Variants in MAML3 observed in about 807,000 individuals in gnomAD.
The protein encoded by MAML3 is mastermind like transcriptional coactivator 3.
Under a neutral mutation model 101.9 loss-of-function variants are expected in MAML3, and 27 were observed. The observed-to-expected ratio is 0.27, with a 90% CI of 0.20 to 0.37. MAML3 has a LOEUF of 0.37. MAML3 is among the 10% of genes least tolerant of loss of function. MAML3 has a pLI of 1.00. For synonymous variants in MAML3, 501 were observed against 555.9 expected (o/e 0.90, Z 1.39); for missense variants, 1,316 against 1,444.9 (o/e 0.91, Z 1.45).
rs1425891434 is a variant in MAML3 at position 139,735,458 on chromosome 4, G to A, written c.2080-4791C>T. The stretch of plus-strand genomic sequence containing the variant: ...GGGCTGGGAGTGGGGTAGGGGGGCA[G>A]TGGCGACCTCCGGGGGGGGAGGGTG... On this transcript the variant is annotated intron_variant, in intron 2 of 4. Coordinates refer to ENST00000509479, the MANE Select transcript of MAML3 (RefSeq NM_018717.5). This position sits in a 1 kb window ranked among gnomAD's most constrained non-coding sequence, Gnocchi z 5.8. 1.3e-5 allele frequency among the ~76,000 whole-genome samples: 2 copies of A among 151,310 alleles called. No individual in the cohort carries two copies. The highest frequency in any genetic ancestry group is 4.2e-4 in the South Asian group (2 of 4,770).
intron 1 of MAML3, among the ~76,000 whole-genome samples, chr4:139,911,739 T>C (rs1227477866): frequency 6.6e-6 from 1 of 152,220 alleles, no homozygotes; most frequent in African/African-American, 2.4e-5. Context: ...CCCCTCACTC[T>C]TTCCATCATG....
intron 1 of MAML3, among the ~76,000 whole-genome samples, chr4:139,978,635 GCA>G: frequency 6.9e-6 from 1 of 144,904 alleles, no homozygotes; most frequent in Non-Finnish European, 1.5e-5. Context: ...GAGAGAGAGA[GCA>G]CACAACTGCG....
intron 2 of MAML3, among the ~76,000 whole-genome samples, chr4:139,736,764 G>T (rs1728964103): frequency 6.6e-6 from 1 of 152,102 alleles, no homozygotes. Context: ...TAGAACTTTT[G>T]GGGGTGTTTT....
chr4:139,808,986 G>A (rs1393840568), intron 2 of MAML3, among the ~76,000 whole-genome samples: 5 of 152,136 alleles, frequency 3.3e-5, no homozygotes, highest in African/African-American at 1.2e-4. Flanking sequence ...AAGAATGTCG[G>A]TGTGTGACTC....
At position 140,153,462 on chromosome 4, in the gene MAML3, T is replaced by A; in HGVS notation, c.-135A>T. On this transcript the variant is annotated 5_prime_UTR_variant, in exon 1 of 5. Transcript: ENST00000509479. Reference sequence around the variant, plus strand: ...GCAAGCACATGGATGGAAACGGCGATCCCGACGGGGCGAAAAAAACGGGGG... The same window carrying A: ...GCAAGCACATGGATGGAAACGGCGAACCCGACGGGGCGAAAAAAACGGGGG... The A allele has an allele frequency of 1.9e-5, 12 of 644,242 alleles. No individual in the cohort carries two copies. Among genetic ancestry groups the A allele is most frequent in the Non-Finnish European group, 2.3e-5 (11 of 476,158 alleles). 39.9% of individuals were successfully genotyped at this position (644,242 alleles called of 1,614,324 possible).
chr4:139,863,832 GTTTTTTTT>G (rs58270046), intron 2 of MAML3, among the ~76,000 whole-genome samples: 17,419 of 111,434 alleles, frequency 0.16, 2,451 homozygotes, highest in African/African-American at 0.4. Context: ...CAGAACATGG[GTTTTTTTT>G]TTTTTTTTTT....
Position 139,944,605 on chromosome 4 carries a change from A to G in MAML3, c.469-53638T>C, listed in dbSNP as rs543172979. ...ATGAACTCAAACAAATTTACAAGAA[A>G]AAAACAAACAACCCCATCAAAAAGT... On this transcript the variant is annotated intron_variant, in intron 1 of 4. Coordinates refer to ENST00000509479, the MANE Select transcript of MAML3 (RefSeq NM_018717.5). Among the ~76,000 whole-genome samples, 4 of 152,116 alleles carry G rather than the reference A, an allele frequency of 2.6e-5. No homozygotes were observed. In the South Asian group the frequency reaches 6.2e-4, roughly 24 times the overall value.
intron 1 of MAML3, among the ~76,000 whole-genome samples, chr4:139,953,502 T>C (rs1733865411): frequency 6.6e-6 from 1 of 152,180 alleles, no homozygotes; most frequent in Admixed American, 6.5e-5. Context: ...GGCAGGTGCC[T>C]GTAATCCCAG....
rs141193740 is a variant in MAML3 at position 139,892,071 on chromosome 4, G to A, written c.469-1104C>T. 4.2e-3 allele frequency among the ~76,000 whole-genome samples: 636 copies of A among 152,190 alleles called. 10 individuals carry two copies. Among genetic ancestry groups the A allele is most frequent in the African/African-American group, 0.015 (606 of 41,532 alleles). ...TTCAACTATCTTCTCTAGGCTGACG[G>A]CCCCAAAAGATGCTCATCTTCCCAG... On this transcript the variant is annotated intron_variant, in intron 1 of 4. Transcript: ENST00000509479.
At chr4:140,100,217 A>C (rs998123966) in intron 1 of MAML3, among the ~76,000 whole-genome samples, 4 of 151,926 alleles carry the variant, frequency 2.6e-5, no homozygotes, top group African/African-American at 7.3e-5. Context: ...CCCCAGTGCC[A>C]CTTCCTCTCT....
chr4:139,821,512 C>A (rs1228659808), intron 2 of MAML3, among the ~76,000 whole-genome samples: 1 of 152,182 alleles, frequency 6.6e-6, no homozygotes, highest in African/African-American at 2.4e-5. Context: ...GAAAAATTGT[C>A]GTCTAGGAAA....
At chr4:140,088,421 T>C (rs1727993164) in intron 1 of MAML3, among the ~76,000 whole-genome samples, 1 of 152,076 alleles carries the variant, frequency 6.6e-6, no homozygotes. Flanking sequence ...TTTGAATGAT[T>C]CTCCTTCTTA....
rs183266877 is a variant in MAML3 at position 139,985,868 on chromosome 4, C to A, written c.469-94901G>T. Among the ~76,000 whole-genome samples the A allele has an allele frequency of 4.6e-5, 7 of 152,370 alleles. No individual in the cohort carries two copies. The East Asian group carries it at 1.2e-3, about 25-fold the overall frequency. ...AAGATCTCCAATGAGACCCTAATAG[C>A]AATTTCATTAAATAAATTTTGGAAT... On this transcript the variant is annotated intron_variant, in intron 1 of 4. Transcript: ENST00000509479.
intron 1 of MAML3, among the ~76,000 whole-genome samples, chr4:140,091,582 TGAGGCTGAA>T (rs1297482682): frequency 2.1e-5 from 3 of 146,050 alleles, no homozygotes; most frequent in African/African-American, 5.0e-5. Flanking sequence ...ACCAAGCTGC[TGAGGCTGAA>T]GGAAACCACA....
chr4:140,122,299 G>T (rs1187537834), intron 1 of MAML3, among the ~76,000 whole-genome samples: 1 of 141,258 alleles, frequency 7.1e-6, no homozygotes, highest in Non-Finnish European at 1.5e-5. Context: ...TCGGCTCATT[G>T]CAACCTCTGG....
intron 4 of MAML3, among the ~76,000 whole-genome samples, chr4:139,721,303 C>T (rs1474473906): frequency 1.3e-5 from 2 of 152,082 alleles, no homozygotes; most frequent in East Asian, 1.9e-4. Context: ...ATGGAAATGT[C>T]GCCAGTAGAA....
intron 1 of MAML3, among the ~76,000 whole-genome samples, chr4:139,955,400 C>G (rs1407104978): frequency 6.6e-6 from 1 of 151,728 alleles, no homozygotes; most frequent in Non-Finnish European, 1.5e-5. Context: ...AATTTAAATC[C>G]TAAGTTTTCC....
chr4:139,730,378 CTGAA>C (rs774150163), intron 3 of MAML3, 34 bp downstream of exon 3: 45 of 1,532,754 alleles, frequency 2.9e-5, no homozygotes, highest in Non-Finnish European at 3.2e-5. Context: ...TAAGTGCTTG[CTGAA>C]TGAATGAATG....
In MAML3 at chr4:139,919,088, T is replaced by C. The variant is rs568132615; in HGVS notation, c.469-28121A>G. Among the ~76,000 whole-genome samples, 30 of 152,292 alleles carry C rather than the reference T, an allele frequency of 2.0e-4. 1 individual carries two copies. The South Asian group carries it at 5.8e-3, about 29-fold the overall frequency. ...CCCCAAATCTAGGATAGTGTGTCTT[T>C]TTTCCTCTGAGGGCTCTCAGAAAAA... is the stretch of plus-strand genomic sequence containing the variant. On this transcript the variant is annotated intron_variant, in intron 1 of 4. Coordinates refer to ENST00000509479, the MANE Select transcript of MAML3 (RefSeq NM_018717.5).
Sources: gnomAD v4.1 joint callset for allele counts (sites outside exome capture counted in the v4.1 genomes callset) on GRCh38, gnomAD v4.1.1 for gene constraint, Gnocchi (gnomAD v3.1) non-coding constraint, MANE v1.5 for transcripts, NCBI Gene and HGNC (gene_info 2026-07-23, HGNC 2026-07-21) for gene names.